Variants in BRMS1L observed in about 807,000 individuals in gnomAD.
BRMS1L encodes BRMS1 like transcriptional repressor.
A neutral mutation model predicts 50.3 loss-of-function variants in BRMS1L; 23 were observed. The observed-to-expected ratio is 0.46, with a 90% CI of 0.33 to 0.65. The LOEUF is 0.65. Among genes scored for constraint, BRMS1L ranks in the 30% least tolerant of loss-of-function variants. The probability of loss-of-function intolerance (pLI) is 0.02; values close to 1 mark genes in which losing one functional copy is unlikely to be tolerated. For synonymous variants in BRMS1L, 114 were observed against 126.9 expected (o/e 0.90, Z 0.69); for missense variants, 286 against 386.1 (o/e 0.74, Z 2.17).
At chr14:35,867,247 A>G (rs1408220699) in intron 8 of BRMS1L, among the ~76,000 whole-genome samples, 1 of 152,210 alleles carries the variant, frequency 6.6e-6, no homozygotes, top group African/African-American at 2.4e-5. Flanking sequence ...ACAGATTATA[A>G]TAATTACTCT....
chr14:35,836,044 T>C (rs1398421058), intron 4 of BRMS1L, among the ~76,000 whole-genome samples: 1 of 152,198 alleles, frequency 6.6e-6, no homozygotes, highest in Non-Finnish European at 1.5e-5. Flanking sequence ...CATTGTTTCA[T>C]TTTCATAATT....
At chr14:35,838,796 A>G (rs181179574) in intron 4 of BRMS1L, among the ~76,000 whole-genome samples, 164 of 152,268 alleles carry the variant, frequency 1.1e-3, no homozygotes, top group African/African-American at 3.2e-3. Flanking sequence ...ATAGATTGCA[A>G]AAATTTTCTC....
intron 5 of BRMS1L, among the ~76,000 whole-genome samples, chr14:35,863,597 C>T (rs1365979736): frequency 2.0e-5 from 3 of 152,134 alleles, no homozygotes; most frequent in Non-Finnish European, 4.4e-5. Flanking sequence ...TGAGACAATG[C>T]ATGTAATATA....
chr14:35,831,258 A>G (rs778989477), intron 1 of BRMS1L, 152 bp from the exon 2 acceptor site: 5 of 590,938 alleles, frequency 8.5e-6, no homozygotes, highest in African/African-American at 1.9e-5. Context: ...TATTTTTGAT[A>G]AATCTTGTTT....
intron 2 of BRMS1L, among the ~76,000 whole-genome samples, chr14:35,832,743 TA>T (rs1429452725): frequency 1.3e-5 from 2 of 152,188 alleles, no homozygotes; most frequent in African/African-American, 2.4e-5. Context: ...ATTTCAATTT[TA>T]TTTTTTTGTA....
At chr14:35,837,890 A>T (rs919547067) in intron 4 of BRMS1L, among the ~76,000 whole-genome samples, 2 of 152,182 alleles carry the variant, frequency 1.3e-5, no homozygotes, top group African/African-American at 4.8e-5. Context: ...TAAAAAAATT[A>T]TACTTCAAGT....
intron 2 of BRMS1L, among the ~76,000 whole-genome samples, chr14:35,831,920 T>TAA (rs36099782): frequency 2.3e-4 from 34 of 145,650 alleles, no homozygotes; most frequent in South Asian, 1.5e-3. Context: ...GACACTGTCT[T>TAA]AAAAAAAAAA....
chr14:35,838,470 A>G (rs1427483624), intron 4 of BRMS1L, among the ~76,000 whole-genome samples: 1 of 152,090 alleles, frequency 6.6e-6, no homozygotes, highest in Non-Finnish European at 1.5e-5. Flanking sequence ...CAATGTTTGA[A>G]CTAATTTATA....
At chr14:35,861,481 GCTGGAATATTT>G (rs1228504747) in intron 4 of BRMS1L, among the ~76,000 whole-genome samples, 27 of 152,228 alleles carry the variant, frequency 1.8e-4, no homozygotes, top group African/African-American at 6.3e-4. Context: ...TATAGATAAA[GCTGGAATATTT>G]CATAAGACTT....
intron 4 of BRMS1L, among the ~76,000 whole-genome samples, chr14:35,859,183 A>G (rs1346959128): frequency 7.2e-5 from 11 of 152,062 alleles, no homozygotes; most frequent in Admixed American, 7.2e-4. Flanking sequence ...ACCTCAAGTG[A>G]TCCGCCAGCC....
At chr14:35,866,314 A>G (rs2078420486) in intron 8 of BRMS1L, among the ~76,000 whole-genome samples, 2 of 152,204 alleles carry the variant, frequency 1.3e-5, no homozygotes, top group South Asian at 4.1e-4. Context: ...TCTAAGGACA[A>G]TGAAGCTAGA....
rs751427225 is a variant in BRMS1L at position 35,865,008 on chromosome 14, A to G, written c.687+9A>G. 3.2e-6 allele frequency: 5 copies of G among 1,553,068 alleles called. No individual in the cohort carries two copies. Among genetic ancestry groups the G allele is most frequent in the Non-Finnish European group, 4.4e-6 (5 of 1,145,738 alleles). ...GGACAACAATTAGGAAGGTATGATT[A>G]ATGAGCAGTGGAACACAAGTATGTT... On this transcript the variant is annotated intron_variant, in intron 7 of 9. Coordinates refer to ENST00000216807, the MANE Select transcript of BRMS1L (RefSeq NM_032352.4).
intron 3 of BRMS1L, among the ~76,000 whole-genome samples, 194 bp from the exon 4 acceptor site, chr14:35,834,650 A>C (rs993925328): frequency 6.6e-6 from 1 of 152,168 alleles, no homozygotes; most frequent in Non-Finnish European, 1.5e-5. Flanking sequence ...TCTAGCTCTT[A>C]TAATTTCTAA....
intron 4 of BRMS1L, 148 bp downstream of exon 4, chr14:35,835,071 A>G: frequency 2.2e-6 from 1 of 447,836 alleles, no homozygotes; most frequent in Non-Finnish European, 3.7e-6. Context: ...AAAAGAATAG[A>G]GTTGCATTGG....
intron 4 of BRMS1L, among the ~76,000 whole-genome samples, chr14:35,843,487 G>T (rs1264042116): frequency 6.6e-6 from 1 of 152,200 alleles, no homozygotes; most frequent in African/African-American, 2.4e-5. Context: ...TCTAAACCCT[G>T]TTTGCCTGGT....
At chr14:35,867,768 T>A in intron 8 of BRMS1L, 138 bp from the exon 9 acceptor site, 1 of 724,616 alleles carries the variant, frequency 1.4e-6, no homozygotes. Flanking sequence ...TTTTATTACA[T>A]TTTAGGTTTG....
intron 4 of BRMS1L, among the ~76,000 whole-genome samples, chr14:35,851,799 A>T (rs908065421): frequency 6.6e-6 from 1 of 152,220 alleles, no homozygotes. Context: ...CCCCTCTTCC[A>T]GGCATACATC....
At chr14:35,826,849 G>A (rs2077852262) in intron 1 of BRMS1L, 191 bp downstream of exon 1, 3 of 803,494 alleles carry the variant, frequency 3.7e-6, no homozygotes, top group South Asian at 2.0e-5. Flanking sequence ...ATGGGTCCCG[G>A]CGGCGGGGCG....
intron 4 of BRMS1L, among the ~76,000 whole-genome samples, chr14:35,849,525 C>T (rs1449122970): frequency 6.6e-6 from 1 of 151,942 alleles, no homozygotes; most frequent in African/African-American, 2.4e-5. Context: ...TCTCAAACTC[C>T]TGGCCTCAAG....
Sources: allele counts gnomAD v4.1 joint callset (sites outside exome capture counted in the v4.1 genomes callset), GRCh38; gene constraint gnomAD v4.1.1; transcripts MANE v1.5; gene names NCBI Gene and HGNC (gene_info 2026-07-23, HGNC 2026-07-21).